The following ZNF385D variants were observed in gnomAD, a reference collection of about 807,000 sequenced individuals.
ZNF385D encodes the protein zinc finger protein 385D.
A neutral mutation model predicts 35.8 loss-of-function variants in ZNF385D; 15 were observed. The ratio of observed to expected loss-of-function variants is 0.42; its 90% CI spans 0.28 to 0.64. The LOEUF (loss-of-function observed/expected upper bound fraction) is 0.64, where lower values mean the gene tolerates loss of function less well. ZNF385D is among the 30% of genes least tolerant of loss of function. ZNF385D has a pLI of 0.23. For missense variants in ZNF385D, 474 were observed against 494.6 expected (o/e 0.96, Z 0.39); for synonymous variants, 212 against 186.8 (o/e 1.13, Z -1.10).
chr3:21,648,217 G>A (rs2065809832), intron 2 of ZNF385D, among the ~76,000 whole-genome samples: 1 of 152,094 alleles, frequency 6.6e-6, no homozygotes, highest in African/African-American at 2.4e-5. Context: ...TTGTGATAGT[G>A]AGTTCTCATG....
intron 3 of ZNF385D, among the ~76,000 whole-genome samples, chr3:21,564,215 C>CTATCT: frequency 6.6e-6 from 1 of 152,088 alleles, no homozygotes; most frequent in Admixed American, 6.6e-5. Context: ...GATTTGGTAC[C>CTATCT]TATCTTATTT....
At chr3:22,310,953 A>C (rs1703507181) in intron 2 of ZNF385D, among the ~76,000 whole-genome samples, 1 of 151,834 alleles carries the variant, frequency 6.6e-6, no homozygotes, top group Admixed American at 6.6e-5. Context: ...TGATGTTATA[A>C]GTCATTAAAT....
intron 3 of ZNF385D, among the ~76,000 whole-genome samples, chr3:21,915,622 C>A (rs1700159242): frequency 6.6e-6 from 1 of 152,038 alleles, no homozygotes; most frequent in Non-Finnish European, 1.5e-5. Flanking sequence ...CCCCTTACCA[C>A]CCCCAACCCA....
chr3:21,835,441 C>G (rs1695271581), intron 3 of ZNF385D, among the ~76,000 whole-genome samples: 1 of 151,580 alleles, frequency 6.6e-6, no homozygotes. Flanking sequence ...GGACAATGTT[C>G]CCTGCTGAAA....
At chr3:21,757,119 T>C (rs1338580322) in intron 3 of ZNF385D, among the ~76,000 whole-genome samples, 1 of 84,806 alleles carries the variant, frequency 1.2e-5, no homozygotes, top group East Asian at 4.8e-4. Flanking sequence ...GATAAATTTC[T>C]CTTTTTTTTT....
intron 3 of ZNF385D, among the ~76,000 whole-genome samples, chr3:22,107,026 G>GTTGTTTTTTT (rs538697822): frequency 3.4e-5 from 4 of 118,830 alleles, no homozygotes; most frequent in Non-Finnish European, 5.3e-5. Flanking sequence ...TGGAATGAGA[G>GTTGTTTTTTT]TTTTTTTTTT....
chr3:21,888,632 T>C (rs1372790799), intron 3 of ZNF385D, among the ~76,000 whole-genome samples: 2 of 152,104 alleles, frequency 1.3e-5, no homozygotes, highest in Non-Finnish European at 2.9e-5. Context: ...CTAGTTACTT[T>C]TTCAGGAAGC....
At chr3:22,207,386 G>A (rs193025776) in intron 2 of ZNF385D, among the ~76,000 whole-genome samples, 2 of 151,962 alleles carry the variant, frequency 1.3e-5, no homozygotes, top group East Asian at 1.9e-4. Flanking sequence ...AACTGGACAC[G>A]CATATGCAGA....
At chr3:22,367,686 T>C (rs867814946) in intron 2 of ZNF385D, among the ~76,000 whole-genome samples, 12 of 152,212 alleles carry the variant, frequency 7.9e-5, no homozygotes, top group Non-Finnish European at 1.3e-4. Flanking sequence ...TCATTCTTTT[T>C]TTCTTTCATT....
chr3:22,345,627 A>G (rs1695623727), intron 2 of ZNF385D, among the ~76,000 whole-genome samples: 1 of 152,212 alleles, frequency 6.6e-6, no homozygotes. Flanking sequence ...GTACAGAGAA[A>G]ATAAAGCAGC....
At chr3:22,015,394 C>CG (rs1696821619) in intron 3 of ZNF385D, among the ~76,000 whole-genome samples, 1 of 152,138 alleles carries the variant, frequency 6.6e-6, no homozygotes, top group South Asian at 2.1e-4. Flanking sequence ...CCTAAGTCAA[C>CG]TTGAAAGAAA....
At chr3:22,078,317 T>A (rs888901683) in intron 3 of ZNF385D, among the ~76,000 whole-genome samples, 4 of 152,028 alleles carry the variant, frequency 2.6e-5, no homozygotes, top group Admixed American at 6.6e-5. Context: ...CTGCATCGCA[T>A]TGCAATATAA....
chr3:21,572,562 C>T (rs1207276725), intron 2 of ZNF385D, among the ~76,000 whole-genome samples: 2 of 152,122 alleles, frequency 1.3e-5, no homozygotes, highest in East Asian at 1.9e-4. Flanking sequence ...GTGGTCTCTT[C>T]TTCATCAAAC....
chr3:21,439,066 C>T (rs1701721951), intron 4 of ZNF385D, among the ~76,000 whole-genome samples: 1 of 151,922 alleles, frequency 6.6e-6, no homozygotes, highest in South Asian at 2.1e-4. Flanking sequence ...GAATAAACAA[C>T]AAGTAGCTAA....
At chr3:22,195,286 T>C (rs1357862410) in intron 2 of ZNF385D, among the ~76,000 whole-genome samples, 1 of 152,022 alleles carries the variant, frequency 6.6e-6, no homozygotes, top group Non-Finnish European at 1.5e-5. Flanking sequence ...TTAATGTGTT[T>C]ACGTGTCATA....
chr3:21,603,211 A>G (rs992749599), intron 2 of ZNF385D, among the ~76,000 whole-genome samples: 2 of 152,264 alleles, frequency 1.3e-5, no homozygotes, highest in African/African-American at 4.8e-5. Context: ...TAACTAGGCT[A>G]TTAAAAGGTT....
chr3:21,428,691 T>A (rs1017398195), intron 5 of ZNF385D, among the ~76,000 whole-genome samples: 2 of 151,992 alleles, frequency 1.3e-5, no homozygotes, highest in Non-Finnish European at 2.9e-5. Context: ...CATGTAAACA[T>A]CTTGCAAGGC....
chr3:21,972,701 CA>C (rs71618875), intron 3 of ZNF385D, among the ~76,000 whole-genome samples: 7 of 150,926 alleles, frequency 4.6e-5, no homozygotes, highest in Non-Finnish European at 4.4e-5. Flanking sequence ...AAGAAAAAAA[CA>C]AAAAAGACCT....
intron 2 of ZNF385D, among the ~76,000 whole-genome samples, chr3:21,567,251 T>G (rs1316660195): frequency 6.6e-6 from 1 of 152,192 alleles, no homozygotes; most frequent in Non-Finnish European, 1.5e-5. Context: ...AATTTAAAAT[T>G]ACAGTATCTC....
Sources: gnomAD v4.1 joint callset for allele counts (sites outside exome capture counted in the v4.1 genomes callset) on GRCh38, gnomAD v4.1.1 for gene constraint, MANE v1.5 for transcripts, NCBI Gene and HGNC (gene_info 2026-07-23, HGNC 2026-07-21) for gene names.